CDH13: variants seen among roughly 807,000 people sequenced by gnomAD.
The protein encoded by CDH13 is cadherin 13.
In CDH13, 24 loss-of-function variants were observed where a neutral mutation model predicts 63.8. That is an observed-to-expected ratio of 0.38 (90% CI 0.27 to 0.53). CDH13 has a LOEUF of 0.53. Among genes scored for constraint, CDH13 ranks in the 20% least tolerant of loss-of-function variants. CDH13 has a pLI of 0.85. For synonymous variants in CDH13, 503 were observed against 355.3 expected (o/e 1.42, Z -4.67); for missense variants, 1,049 against 903.1 (o/e 1.16, Z -2.07).
In CDH13 at chr16:83,327,406, G is replaced by A. The variant is rs78988243; in HGVS notation, c.637-17456G>A. On this transcript the variant is annotated intron_variant, in intron 5 of 13. Coordinates refer to ENST00000567109, the MANE Select transcript of CDH13 (RefSeq NM_001257.5). ...TTCAGGGAATTCTCAAAAGACAAGC[G>A]TCATTTCTTTTTGTCTATTGATCTG... 7.0e-3 allele frequency among the ~76,000 whole-genome samples: 1,066 copies of A among 152,276 alleles called. 6 individuals carry two copies. The highest frequency in any genetic ancestry group is 0.02 in the Middle Eastern group (6 of 294).
intron 2 of CDH13, among the ~76,000 whole-genome samples, chr16:82,911,022 C>T (rs902212561): frequency 1.3e-5 from 2 of 152,140 alleles, no homozygotes; most frequent in African/African-American, 2.4e-5. Context: ...ACTCAGAACT[C>T]AGTACTGCCG....
intron 5 of CDH13, among the ~76,000 whole-genome samples, chr16:83,268,944 G>C (rs1268864772): frequency 6.6e-6 from 1 of 152,212 alleles, no homozygotes; most frequent in Non-Finnish European, 1.5e-5. Flanking sequence ...CCAGAGCAGA[G>C]AGATGGGAGG....
intron 12 of CDH13, among the ~76,000 whole-genome samples, chr16:83,780,478 T>C (rs1039136681): frequency 2.0e-5 from 3 of 152,262 alleles, no homozygotes; most frequent in Non-Finnish European, 4.4e-5. Context: ...ACCTGTCTGC[T>C]ACATACACTA....
At chr16:82,740,254 G>C (rs16958435) in intron 1 of CDH13, among the ~76,000 whole-genome samples, 15,199 of 152,246 alleles carry the variant, frequency 0.1, 870 homozygotes, top group East Asian at 0.23. Flanking sequence ...TTATGTAAGA[G>C]ACTTGAGTAC....
intron 5 of CDH13, among the ~76,000 whole-genome samples, chr16:83,225,798 C>T (rs943471791): frequency 3.3e-5 from 5 of 152,122 alleles, no homozygotes; most frequent in Non-Finnish European, 7.4e-5. Context: ...CATTGTGAAG[C>T]CAAGTTTGAG....
At chr16:82,747,371 G>A (rs1009792629) in intron 1 of CDH13, among the ~76,000 whole-genome samples, 5 of 152,170 alleles carry the variant, frequency 3.3e-5, no homozygotes, top group African/African-American at 4.8e-5. Flanking sequence ...TTTGAGGTGT[G>A]TTTATTCAGG....
chr16:83,266,584 C>A (rs1231435032), intron 5 of CDH13, among the ~76,000 whole-genome samples: 4 of 152,180 alleles, frequency 2.6e-5, no homozygotes, highest in African/African-American at 9.7e-5. Flanking sequence ...GCATCATCTC[C>A]CCTCTTCACA....
At chr16:83,132,455 T>C (rs867102711) in intron 4 of CDH13, among the ~76,000 whole-genome samples, 198 of 8,732 alleles carry the variant, frequency 0.023, 2 homozygotes, top group African/African-American at 0.071. Context: ...ACCCCCCCCT[T>C]TTTTTTTTTT....
At chr16:83,282,454 A>G (rs1359649565) in intron 5 of CDH13, among the ~76,000 whole-genome samples, 1 of 152,252 alleles carries the variant, frequency 6.6e-6, no homozygotes, top group African/African-American at 2.4e-5. Flanking sequence ...AGGAGAAGCT[A>G]AAAATGTAAC....
chr16:83,170,330 C>T (rs905815974), intron 4 of CDH13, among the ~76,000 whole-genome samples: 1 of 152,122 alleles, frequency 6.6e-6, no homozygotes, highest in East Asian at 1.9e-4. Context: ...TACTGTCACA[C>T]TCTGGATGTA....
chr16:83,606,438 T>G (rs1002624992), intron 8 of CDH13, among the ~76,000 whole-genome samples: 2 of 152,098 alleles, frequency 1.3e-5, no homozygotes, highest in African/African-American at 4.8e-5. Context: ...TTCTCTCACT[T>G]AAAAGTTTGG....
At chr16:83,032,618 G>A (rs141957725) in intron 3 of CDH13, among the ~76,000 whole-genome samples, 58 of 152,170 alleles carry the variant, frequency 3.8e-4, no homozygotes, top group African/African-American at 1.2e-3. Context: ...GTCTGAAGTC[G>A]CCTGAGAAAG....
intron 10 of CDH13, among the ~76,000 whole-genome samples, chr16:83,743,550 G>GCATT (rs1451590705): frequency 6.6e-6 from 1 of 152,152 alleles, no homozygotes; most frequent in Non-Finnish European, 1.5e-5. Context: ...GCATCAAAGA[G>GCATT]CATTGCTTGT....
At chr16:82,995,013 TG>T (rs199661665) in intron 2 of CDH13, among the ~76,000 whole-genome samples, 3,333 of 152,310 alleles carry the variant, frequency 0.022, 47 homozygotes, top group South Asian at 0.031. Flanking sequence ...GAAGATAGAA[TG>T]CATAATGTTT....
chr16:83,256,707 T>A (rs1229741160), intron 5 of CDH13, among the ~76,000 whole-genome samples: 3 of 147,066 alleles, frequency 2.0e-5, no homozygotes, highest in Admixed American at 2.0e-4. Context: ...TAGCCGGGCA[T>A]GGTGGCGGCT....
intron 5 of CDH13, among the ~76,000 whole-genome samples, chr16:83,235,503 G>A (rs542071109): frequency 1.3e-4 from 20 of 151,720 alleles, no homozygotes; most frequent in Admixed American, 9.2e-4. Flanking sequence ...CTCCTACCCC[G>A]ACCCAAAATC....
intron 5 of CDH13, among the ~76,000 whole-genome samples, chr16:83,229,765 G>T (rs1434499426): frequency 1.3e-5 from 2 of 152,112 alleles, no homozygotes; most frequent in Non-Finnish European, 2.9e-5. Flanking sequence ...AAAGCCTGCA[G>T]GCCCACGATG....
chr16:83,187,160 G>A (rs1346776549), intron 4 of CDH13, among the ~76,000 whole-genome samples: 1 of 152,008 alleles, frequency 6.6e-6, no homozygotes, highest in Non-Finnish European at 1.5e-5. Context: ...TAGTAGAAAT[G>A]GGGTTTCACC....
chr16:82,745,214 G>A (rs1480972326), intron 1 of CDH13, among the ~76,000 whole-genome samples: 2 of 152,150 alleles, frequency 1.3e-5, no homozygotes, highest in Non-Finnish European at 2.9e-5. Flanking sequence ...TGCGTGGGGC[G>A]ATGCCATTCC....
Sources: allele counts gnomAD v4.1 joint callset (sites outside exome capture counted in the v4.1 genomes callset), GRCh38; gene constraint gnomAD v4.1.1; transcripts MANE v1.5; gene names NCBI Gene and HGNC (gene_info 2026-07-23, HGNC 2026-07-21).